Variants in HDAC9 observed in about 807,000 individuals in gnomAD.
The protein encoded by HDAC9 is histone deacetylase 9.
In HDAC9, 41 loss-of-function variants were observed where a neutral mutation model predicts 139.4. That is an observed-to-expected ratio of 0.29 (90% CI 0.23 to 0.38). The LOEUF (loss-of-function observed/expected upper bound fraction) is 0.38, where lower values mean the gene tolerates loss of function less well. HDAC9 is among the 10% of genes least tolerant of loss of function. The pLI is 1.00. For missense variants in HDAC9, 1,147 were observed against 1,297.0 expected (o/e 0.88, Z 1.78); for synonymous variants, 517 against 476.2 (o/e 1.09, Z -1.12).
At chr7:18,431,659 T>A (rs1446218814) in intron 1 of HDAC9, among the ~76,000 whole-genome samples, 1 of 152,216 alleles carries the variant, frequency 6.6e-6, no homozygotes, top group African/African-American at 2.4e-5. Flanking sequence ...TATCCTATTA[T>A]ACCCCCATGA....
intron 5 of HDAC9, 133 bp from the exon 6 acceptor site, chr7:18,593,775 T>C (rs1831655235): frequency 1.2e-6 from 1 of 864,204 alleles, no homozygotes; most frequent in Non-Finnish European, 1.8e-6. Flanking sequence ...TGTGAGGCTA[T>C]GGTTTGTATA....
intron 1 of HDAC9, among the ~76,000 whole-genome samples, chr7:18,324,347 G>A (rs1370095969): frequency 2.0e-5 from 3 of 152,048 alleles, no homozygotes; most frequent in African/African-American, 7.2e-5. Flanking sequence ...TCAATTTCTT[G>A]GCAAATTACT....
intron 1 of HDAC9, among the ~76,000 whole-genome samples, chr7:18,424,858 T>C (rs1437076453): frequency 1.3e-5 from 2 of 152,066 alleles, no homozygotes; most frequent in African/African-American, 4.8e-5. Context: ...AGCCAAGATA[T>C]CACCACTGCA....
In HDAC9 at chr7:18,853,630, CTG is replaced by C. The variant is rs140363948; in HGVS notation, c.2684+17635_2684+17636del. ...CCATCTTTAAAGTACCTATTTGAAA[CTG>C]TTATAATTTAAGAGTTCAGCTTTTA... On this transcript the variant is annotated intron_variant, in intron 21 of 25. Coordinates refer to ENST00000686413, the MANE Select transcript of HDAC9 (RefSeq NM_178425.4). Among the ~76,000 whole-genome samples, 1,888 of 152,180 alleles carry C rather than the reference CTG, an allele frequency of 0.012. 64 individuals are homozygous for C. In the East Asian group the frequency reaches 0.13, roughly 10 times the overall value.
chr7:18,578,250 C>G (rs1426793120), intron 2 of HDAC9: 1 of 518,806 alleles, frequency 1.9e-6, no homozygotes, highest in Non-Finnish European at 3.8e-6. Flanking sequence ...CTAATTCATT[C>G]TTCTCTTTTC....
chr7:18,119,150 C>A (rs1429596797), intron 1 of HDAC9, among the ~76,000 whole-genome samples: 1 of 152,140 alleles, frequency 6.6e-6, no homozygotes, highest in Non-Finnish European at 1.5e-5. Flanking sequence ...CACTCTATTT[C>A]TAACATGGAC....
At chr7:18,594,147 C>A (rs55657936) in intron 6 of HDAC9, 118 bp downstream of exon 6, 67,127 of 947,332 alleles carry the variant, frequency 0.071, 2,971 homozygotes, top group Non-Finnish European at 0.086. Flanking sequence ...TACCTCCCCA[C>A]CCCTGCCCCC....
intron 2 of HDAC9, among the ~76,000 whole-genome samples, chr7:18,558,162 T>C (rs1015738058): frequency 6.6e-6 from 1 of 152,172 alleles, no homozygotes; most frequent in Non-Finnish European, 1.5e-5. Flanking sequence ...TCTTCTCTGA[T>C]CCATCATTAT....
intron 1 of HDAC9, among the ~76,000 whole-genome samples, chr7:18,321,567 C>T (rs1800034905): frequency 2.1e-5 from 1 of 47,078 alleles, no homozygotes; most frequent in South Asian, 1.3e-3. Flanking sequence ...AAGAAAATTA[C>T]ATGGGAAAGT....
chr7:18,996,718 ACT>A lies in HDAC9; in HGVS notation c.*657_*658del, dbSNP rs1491289698. On this transcript the variant is annotated 3_prime_UTR_variant, in exon 26 of 26. Coordinates refer to ENST00000686413, the MANE Select transcript of HDAC9 (RefSeq NM_178425.4). Reference sequence around the variant, plus strand: ...TCCAAATGCCAAAGGAACCTCACACACTGTTTGTAATGGTGCAATATTTTATA... The same window carrying A: ...TCCAAATGCCAAAGGAACCTCACACAGTTTGTAATGGTGCAATATTTTATA... 2.6e-5 allele frequency: 4 copies of A among 152,214 alleles called. No homozygotes were observed. The highest frequency in any genetic ancestry group is 4.4e-5 in the Non-Finnish European group (3 of 68,014). 9.4% of individuals were successfully genotyped at this position (152,214 alleles called of 1,614,324 possible).
At chr7:18,194,922 A>AT (rs1359661000) in intron 2 of HDAC9, among the ~76,000 whole-genome samples, 1 of 151,146 alleles carries the variant, frequency 6.6e-6, no homozygotes, top group Non-Finnish European at 1.5e-5. Context: ...GGCAAAGAGA[A>AT]TGTTGCTTTA....
intron 1 of HDAC9, among the ~76,000 whole-genome samples, chr7:18,380,789 A>T (rs920221798): frequency 6.6e-6 from 1 of 152,316 alleles, no homozygotes; most frequent in East Asian, 1.9e-4. Context: ...TTTCTCATCT[A>T]GGAGGAAAGA....
chr7:18,885,417 A>C (rs1800065767), intron 22 of HDAC9, among the ~76,000 whole-genome samples: 1 of 152,214 alleles, frequency 6.6e-6, no homozygotes, highest in African/African-American at 2.4e-5. Flanking sequence ...TTATGATTAA[A>C]TGAGATAATA....
At chr7:18,831,183 T>A (rs954657412) in intron 19 of HDAC9, among the ~76,000 whole-genome samples, 10 of 152,184 alleles carry the variant, frequency 6.6e-5, no homozygotes, top group Non-Finnish European at 1.3e-4. Context: ...GCTACCATTT[T>A]AAGGTTCTAG....
rs76390513 is a variant in HDAC9, at chr7:18,619,703, A to G, written c.665-9647A>G. ...TGAAGATACATGTTGCATAACCTCT[A>G]TAAGTATCTCATAGATTAACTAAAA... On this transcript the variant is annotated intron_variant, in intron 6 of 25. Transcript: ENST00000686413. 1.8e-3 allele frequency among the ~76,000 whole-genome samples: 277 copies of G among 152,348 alleles called. 6 individuals carry two copies. The East Asian group carries it at 0.048, about 26-fold the overall frequency.
chr7:18,972,850 A>G (rs1242574148), intron 24 of HDAC9, among the ~76,000 whole-genome samples: 2 of 152,364 alleles, frequency 1.3e-5, no homozygotes, highest in East Asian at 3.9e-4. Flanking sequence ...AATAAACCAC[A>G]AAGTCTAGAA....
intron 2 of HDAC9, among the ~76,000 whole-genome samples, chr7:18,182,215 G>T (rs1021514652): frequency 6.6e-6 from 1 of 152,126 alleles, no homozygotes; most frequent in Admixed American, 6.5e-5. Flanking sequence ...CATTGTGAAG[G>T]TATATTTTTT....
At chr7:18,143,013 C>A (rs929835005) in intron 1 of HDAC9, among the ~76,000 whole-genome samples, 2 of 152,202 alleles carry the variant, frequency 1.3e-5, no homozygotes, top group Admixed American at 6.5e-5. Context: ...TCAGTTCCAT[C>A]CTTGGATCCC....
intron 12 of HDAC9, among the ~76,000 whole-genome samples, chr7:18,683,966 A>G (rs1157600315): frequency 6.6e-6 from 1 of 152,068 alleles, no homozygotes; most frequent in Non-Finnish European, 1.5e-5. Flanking sequence ...AATCAAAACT[A>G]TCATGTTAGA....
Sources: gnomAD v4.1 joint callset for allele counts (sites outside exome capture counted in the v4.1 genomes callset) on GRCh38, gnomAD v4.1.1 for gene constraint, MANE v1.5 for transcripts, NCBI Gene and HGNC (gene_info 2026-07-23, HGNC 2026-07-21) for gene names.